The following PTPRD variants were observed in gnomAD, a reference collection of about 807,000 sequenced individuals.
PTPRD encodes receptor-type tyrosine-protein phosphatase delta.
In PTPRD, 34 loss-of-function variants were observed where a neutral mutation model predicts 214.5. The ratio of observed to expected loss-of-function variants is 0.16; its 90% CI spans 0.12 to 0.21. The LOEUF (loss-of-function observed/expected upper bound fraction) is 0.21, where lower values mean the gene tolerates loss of function less well. Ranked by LOEUF, PTPRD falls within the 10% of genes least tolerant of loss-of-function variation. PTPRD has a pLI of 1.00. For missense variants in PTPRD, 2,545 were observed against 2,398.7 expected (o/e 1.06, Z -1.27); for synonymous variants, 1,128 against 845.7 (o/e 1.33, Z -5.79).
intron 5 of PTPRD, among the ~76,000 whole-genome samples, chr9:9,778,413 C>A (rs1166752114): frequency 3.3e-5 from 5 of 152,124 alleles, no homozygotes; most frequent in African/African-American, 4.8e-5. Context: ...TGGTGTGTAG[C>A]ACAGAAATGT....
Position 9,506,363 on chromosome 9 carries a change from T to C in PTPRD, c.-237+68369A>G, listed in dbSNP as rs115409686. ...AGCTTCAGGGAAGAAGAGCTGATTATATAGCTAAAAAAAAGACTTTCCTAA... is the reference window on the plus strand; with the variant it reads ...AGCTTCAGGGAAGAAGAGCTGATTACATAGCTAAAAAAAAGACTTTCCTAA... On this transcript the variant is annotated intron_variant, in intron 8 of 45. Transcript: ENST00000381196. 6.7e-3 allele frequency among the ~76,000 whole-genome samples: 1,009 copies of C among 151,516 alleles called. 10 individuals carry two copies. Among genetic ancestry groups the C allele is most frequent in the African/African-American group, 0.023 (961 of 41,464 alleles).
intron 2 of PTPRD, among the ~76,000 whole-genome samples, chr9:10,355,054 A>G (rs890380402): frequency 6.6e-6 from 1 of 152,202 alleles, no homozygotes; most frequent in South Asian, 2.1e-4. Flanking sequence ...TAAATTTCTT[A>G]GAATTGTAAA....
intron 2 of PTPRD, among the ~76,000 whole-genome samples, chr9:10,421,094 C>A (rs1236627420): frequency 6.6e-6 from 1 of 151,818 alleles, no homozygotes; most frequent in East Asian, 1.9e-4. Context: ...GCAAAAAAAT[C>A]TCATAATGTC....
At chr9:10,459,314 T>C (rs1442093034) in intron 2 of PTPRD, among the ~76,000 whole-genome samples, 1 of 152,104 alleles carries the variant, frequency 6.6e-6, no homozygotes, top group African/African-American at 2.4e-5. Flanking sequence ...GGCATTTGGG[T>C]TTGTTCTGAG....
chr9:8,764,480 G>A (rs549583329), intron 11 of PTPRD, among the ~76,000 whole-genome samples: 5 of 152,014 alleles, frequency 3.3e-5, no homozygotes, highest in African/African-American at 4.8e-5. Flanking sequence ...TAAAAATACG[G>A]ACCATTATGG....
intron 11 of PTPRD, among the ~76,000 whole-genome samples, chr9:8,937,446 T>A (rs1262510342): frequency 6.6e-6 from 1 of 152,178 alleles, no homozygotes; most frequent in East Asian, 1.9e-4. Context: ...AGTGCTCTAG[T>A]TCACCCAGAA....
intron 8 of PTPRD, among the ~76,000 whole-genome samples, chr9:9,444,416 A>T (rs897494687): frequency 2.6e-5 from 4 of 152,156 alleles, no homozygotes; most frequent in Non-Finnish European, 5.9e-5. Context: ...CCCATCTTTA[A>T]TTCTCAGACC....
intron 35 of PTPRD, among the ~76,000 whole-genome samples, chr9:8,418,775 G>C (rs567885222): frequency 6.6e-6 from 1 of 152,022 alleles, no homozygotes; most frequent in South Asian, 2.1e-4. Flanking sequence ...CAATTATACT[G>C]ATTATCAAAA....
intron 33 of PTPRD, among the ~76,000 whole-genome samples, chr9:8,450,332 A>T (rs1267797382): frequency 6.6e-6 from 1 of 152,174 alleles, no homozygotes; most frequent in African/African-American, 2.4e-5. Context: ...AGATTTTCCC[A>T]TAAGGCAGGT....
chr9:9,998,370 T>C (rs1335943956), intron 4 of PTPRD, among the ~76,000 whole-genome samples: 1 of 151,214 alleles, frequency 6.6e-6, no homozygotes, highest in Non-Finnish European at 1.5e-5. Context: ...ATTCTGGAAA[T>C]TGAAGGAAAA....
chr9:8,498,534 C>T (rs1013357473), intron 25 of PTPRD, among the ~76,000 whole-genome samples: 9 of 152,160 alleles, frequency 5.9e-5, no homozygotes, highest in African/African-American at 1.2e-4. Context: ...CCTTTACAGA[C>T]GAGAACGTAG....
At chr9:9,809,590 T>A (rs1768872) in intron 5 of PTPRD, among the ~76,000 whole-genome samples, 86,293 of 152,022 alleles carry the variant, frequency 0.57, 27,457 homozygotes, top group East Asian at 0.88. Context: ...CAATGATTTA[T>A]GCAGAGTAAA....
chr9:9,135,890 C>T (rs1232076544), intron 10 of PTPRD, among the ~76,000 whole-genome samples: 2 of 148,780 alleles, frequency 1.3e-5, no homozygotes, highest in African/African-American at 4.9e-5. Context: ...GTTGAGCAGG[C>T]ATTTTGGAAT....
At chr9:8,423,042 A>G (rs973158745) in intron 35 of PTPRD, among the ~76,000 whole-genome samples, 1 of 152,194 alleles carries the variant, frequency 6.6e-6, no homozygotes, top group African/African-American at 2.4e-5. Flanking sequence ...CAGGGATGGG[A>G]GTAGGGGAAA....
chr9:8,773,998 G>A (rs1450525623), intron 11 of PTPRD, among the ~76,000 whole-genome samples: 1 of 152,094 alleles, frequency 6.6e-6, no homozygotes, highest in Non-Finnish European at 1.5e-5. Flanking sequence ...GAGTTAGGCA[G>A]CCCTCCTCAA....
chr9:10,230,436 G>GTATCTATGTATC (rs1554901383), intron 3 of PTPRD, among the ~76,000 whole-genome samples: 3,103 of 140,578 alleles, frequency 0.022, 42 homozygotes, highest in Middle Eastern at 0.033. Flanking sequence ...ATGTATCTAT[G>GTATCTATGTATC]TATCTATCTA....
chr9:8,581,886 C>A lies in PTPRD; in HGVS notation c.352+51431G>T, dbSNP rs12238660. Among the ~76,000 whole-genome samples, 1,766 of 108,102 alleles carry A rather than the reference C, an allele frequency of 0.016. 55 individuals carry two copies. In the East Asian group the frequency reaches 0.18, roughly 11 times the overall value. The allele number at this position is 108,102 out of a possible 152,430, so 70.9% of individuals were successfully genotyped here. A position where few individuals can be genotyped will look rare whatever the true frequency, so the allele number is the denominator to read the frequency against. On this transcript the variant is annotated intron_variant, in intron 14 of 45. Transcript: ENST00000381196. ...CGAGTTCCTGTCACTGCACTCCAGC[C>A]TGGATGACAGAGCATGACTCAATCT...
intron 7 of PTPRD, among the ~76,000 whole-genome samples, chr9:9,703,790 G>T (rs934642496): frequency 6.6e-6 from 1 of 152,142 alleles, no homozygotes; most frequent in East Asian, 1.9e-4. Flanking sequence ...AAGAGTTGAA[G>T]TTAGTTAGAA....
chr9:10,519,124 A>C (rs2051223451), intron 2 of PTPRD, among the ~76,000 whole-genome samples: 3 of 152,084 alleles, frequency 2.0e-5, no homozygotes, highest in Admixed American at 2.0e-4. Flanking sequence ...ATATGGTGAA[A>C]ACAGTTAGAT....
Sources: allele counts gnomAD v4.1 joint callset (sites outside exome capture counted in the v4.1 genomes callset), GRCh38; gene constraint gnomAD v4.1.1; transcripts MANE v1.5; gene names NCBI Gene and HGNC (gene_info 2026-07-23, HGNC 2026-07-21).